EML6: variants seen among roughly 807,000 people sequenced by gnomAD.
EML6 encodes the protein EMAP like 6.
In EML6, 154 loss-of-function variants were observed where a neutral mutation model predicts 240.1. The observed-to-expected ratio is 0.64, with a 90% CI of 0.56 to 0.73. The LOEUF is 0.73. Ranked by LOEUF, EML6 falls within the 30% of genes least tolerant of loss-of-function variation. The probability of loss-of-function intolerance (pLI) is 0.00; values close to 1 mark genes in which losing one functional copy is unlikely to be tolerated. For synonymous variants in EML6, 1,148 were observed against 899.0 expected, an observed-to-expected ratio of 1.28 and a Z score of -4.95; for missense variants, 2,964 against 2,474.6, an observed-to-expected ratio of 1.20 and a Z score of -4.20.
intron 2 of EML6, among the ~76,000 whole-genome samples, chr2:54,793,289 C>T (rs1277271028): frequency 2.0e-5 from 3 of 150,882 alleles, no homozygotes; most frequent in Non-Finnish European, 4.4e-5. Flanking sequence ...GATCTTTCAG[C>T]GTTTGCAGGG....
At chr2:54,883,740 A>G (rs2104011347) in intron 17 of EML6, among the ~76,000 whole-genome samples, 1 of 152,270 alleles carries the variant, frequency 6.6e-6, no homozygotes, top group South Asian at 2.1e-4. Flanking sequence ...GTGTGCACAA[A>G]CACACCTACA....
chr2:54,812,835 C>A (rs377331261), intron 2 of EML6, among the ~76,000 whole-genome samples: 3 of 152,028 alleles, frequency 2.0e-5, no homozygotes, highest in East Asian at 1.9e-4. Flanking sequence ...AAGAAGAGAA[C>A]CTTCCCCTAG....
intron 25 of EML6, among the ~76,000 whole-genome samples, chr2:54,916,430 G>T (rs994136994): frequency 1.3e-5 from 2 of 152,200 alleles, no homozygotes; most frequent in Admixed American, 6.5e-5. Context: ...CAGTGCTGGC[G>T]TTGGGGAATC....
At chr2:54,804,220 A>C (rs949177557) in intron 2 of EML6, among the ~76,000 whole-genome samples, 1 of 152,252 alleles carries the variant, frequency 6.6e-6, no homozygotes, top group African/African-American at 2.4e-5. Context: ...GTATTTAATC[A>C]GACATTACTG....
At chr2:54,848,052 T>C (rs536222672) in intron 9 of EML6, among the ~76,000 whole-genome samples, 1 of 139,384 alleles carries the variant, frequency 7.2e-6, no homozygotes, top group African/African-American at 2.8e-5. Context: ...GGATAAAAGA[T>C]TGTGGGCTTT....
At chr2:54,951,707 A>T (rs906379059) in intron 30 of EML6, among the ~76,000 whole-genome samples, 2 of 152,040 alleles carry the variant, frequency 1.3e-5, no homozygotes, top group African/African-American at 4.8e-5. Flanking sequence ...CTCAAGAAAA[A>T]AAAAAAAACA....
At chr2:54,738,016 C>T (rs760998858) in intron 2 of EML6, among the ~76,000 whole-genome samples, 1 of 152,218 alleles carries the variant, frequency 6.6e-6, no homozygotes, top group Non-Finnish European at 1.5e-5. Flanking sequence ...TGACATTACT[C>T]ACTTCCCTTA....
At chr2:54,744,117 C>T (rs1316715298) in intron 2 of EML6, among the ~76,000 whole-genome samples, 2 of 133,064 alleles carry the variant, frequency 1.5e-5, no homozygotes, top group Non-Finnish European at 3.1e-5. Flanking sequence ...GTAGTTGGGC[C>T]AGAGGAGAGT....
intron 2 of EML6, among the ~76,000 whole-genome samples, chr2:54,789,892 A>G (rs986580531): frequency 1.3e-5 from 2 of 152,208 alleles, no homozygotes; most frequent in South Asian, 2.1e-4. Flanking sequence ...ATGACACAGA[A>G]TATCTACAAA....
chr2:54,745,157 G>A (rs1196263073), intron 2 of EML6, among the ~76,000 whole-genome samples: 1 of 152,190 alleles, frequency 6.6e-6, no homozygotes, highest in Non-Finnish European at 1.5e-5. Context: ...ATTGACTCCA[G>A]GGTAGATGAG....
At chr2:54,917,358 G>GTTTTTTGT (rs1673973250) in intron 26 of EML6, among the ~76,000 whole-genome samples, 1 of 123,820 alleles carries the variant, frequency 8.1e-6, no homozygotes, top group Non-Finnish European at 1.6e-5. Context: ...TTTTTTTTTT[G>GTTTTTTGT]TTTTTTTTTT....
intron 13 of EML6, among the ~76,000 whole-genome samples, chr2:54,865,710 T>G (rs1446279425): frequency 6.6e-6 from 1 of 152,328 alleles, no homozygotes; most frequent in Non-Finnish European, 1.5e-5. Context: ...TCCAAAACAT[T>G]TCTGATCCCA....
At chr2:54,883,765 C>G (rs1671970289) in intron 17 of EML6, among the ~76,000 whole-genome samples, 1 of 152,156 alleles carries the variant, frequency 6.6e-6, no homozygotes, top group African/African-American at 2.4e-5. Context: ...CAGGCAACTT[C>G]CCTACAAGTT....
intron 16 of EML6, 139 bp from the exon 17 acceptor site, chr2:54,879,408 C>CA: frequency 1.6e-6 from 1 of 636,132 alleles, no homozygotes; most frequent in Non-Finnish European, 2.8e-6. Flanking sequence ...ATTGTATAAT[C>CA]AAGTCAGGGC....
At chr2:54,741,920 T>C (rs887148902) in intron 2 of EML6, among the ~76,000 whole-genome samples, 1 of 152,320 alleles carries the variant, frequency 6.6e-6, no homozygotes. Context: ...TAACTAGTGA[T>C]GAAGTTTTGT....
chr2:54,958,011 A>T lies in EML6; in HGVS notation c.4695+13A>T. ...GGCCTTCGGTGCTGTGAGTTCTAGC[A>T]GATACTCCCTGAGAAGGGGACCCAG... On this transcript the variant is annotated intron_variant, in intron 33 of 41. Transcript: ENST00000356458. The T allele has an allele frequency of 3.9e-6, 6 of 1,543,428 alleles. No individual in the cohort carries two copies. The highest frequency in any genetic ancestry group is 4.4e-6 in the Non-Finnish European group (5 of 1,141,174).
At position 54,813,354 on chromosome 2, in the gene EML6, A is replaced by G; in HGVS notation, c.320A>G (p.His107Arg). 1 of 1,551,770 alleles carries G rather than the reference A, an allele frequency of 6.4e-7. No individual in the cohort carries two copies. The highest frequency in any genetic ancestry group is 1.2e-5 in the South Asian group (1 of 84,050). ...TVSLLKDVHT[H>R]GVACLAFDSD... ...TCTCTTCTTAAAGATGTCCATACAC[A>G]TGGAGTTGCCTGCCTGGCTTTTGAC... is the stretch of plus-strand genomic sequence containing the variant. Residue 107 changes from histidine (H) to arginine (R), a missense_variant, in exon 3 of 42, where the codon CAT becomes CGT. Physicochemically the swap from His to Arg is conservative, Grantham distance 29. Coordinates refer to ENST00000356458, the MANE Select transcript of EML6 (RefSeq NM_001039753.4).
intron 17 of EML6, chr2:54,882,024 C>T (rs918987264): frequency 3.9e-5 from 6 of 152,182 alleles, no homozygotes; most frequent in Non-Finnish European, 5.9e-5. Context: ...GCTGTGCAAC[C>T]AGGCACTCAG....
In EML6 at chr2:54,802,332, A is replaced by G. The variant is rs189210548; in HGVS notation, c.198-10900A>G. Among the ~76,000 whole-genome samples the G allele has an allele frequency of 1.4e-3, 214 of 152,252 alleles. 2 individuals are homozygous for G. Among genetic ancestry groups the G allele is most frequent in the African/African-American group, 5.1e-3 (211 of 41,546 alleles). Reference sequence around the variant, plus strand: ...GAGTTTGAATTTTTTTAACTTGGTAATAATTTTAGTAGGCAGGGTGCAGTG... The same window carrying G: ...GAGTTTGAATTTTTTTAACTTGGTAGTAATTTTAGTAGGCAGGGTGCAGTG... On this transcript the variant is annotated intron_variant, in intron 2 of 41. Transcript: ENST00000356458.
Sources: allele counts gnomAD v4.1 joint callset (sites outside exome capture counted in the v4.1 genomes callset), GRCh38; gene constraint gnomAD v4.1.1; transcripts MANE v1.5; gene names NCBI Gene and HGNC (gene_info 2026-07-23, HGNC 2026-07-21).